TUBB8: variants seen among roughly 807,000 people sequenced by gnomAD.
TUBB8 encodes the protein tubulin beta-8 chain.
Under a neutral mutation model 33.7 loss-of-function variants are expected in TUBB8, and 25 were observed. The observed-to-expected ratio is 0.74, with a 90% CI of 0.54 to 1.04. The LOEUF (loss-of-function observed/expected upper bound fraction) is 1.04, where lower values mean the gene tolerates loss of function less well. TUBB8 is among the 50% of genes least tolerant of loss of function. TUBB8 has a pLI of 0.00. For missense variants in TUBB8, 279 were observed against 608.0 expected (o/e 0.46, Z 5.69); for synonymous variants, 245 against 240.1 (o/e 1.02, Z -0.19).
chr10:57,838 C>T (rs1834552170), intron 1 of TUBB8, among the ~76,000 whole-genome samples: 1 of 151,690 alleles, frequency 6.6e-6, no homozygotes, highest in South Asian at 2.1e-4. Flanking sequence ...ATACAAATAT[C>T]TCTAACAAGT....
intron 1 of TUBB8, among the ~76,000 whole-genome samples, chr10:58,238 C>G (rs11525299): frequency 6.6e-6 from 1 of 152,216 alleles, no homozygotes; most frequent in South Asian, 2.1e-4. Context: ...AGATCACTAT[C>G]AGCATTTTGG....
chr10:71,843 A>G (rs1287765891), intron 1 of TUBB8, among the ~76,000 whole-genome samples: 10,456 of 110,498 alleles, frequency 0.095, no homozygotes, highest in African/African-American at 0.21. Flanking sequence ...CCAGGAGGTC[A>G]AGGCTGCAGT....
rs1554738412 is a variant in TUBB8 at position 47,835 on chromosome 10, G to T, written c.557C>A (p.Thr186Asn). ...TTCTATGAGCTGGTGGACTGAGAGG[G>T]TGGCGTTGTAGGGCTCCACCACGGT... ...SDTVVEPYNA[T>N]LSVHQLIENA... Residue 186 changes from threonine (T) to asparagine (N), a missense_variant, in exon 4 of 4, where the codon ACC (threonine) becomes AAC (asparagine). Physicochemically the swap from Thr to Asn is moderately conservative, Grantham distance 65. Transcript: ENST00000568584. The T allele has an allele frequency of 5.6e-6, 9 of 1,614,224 alleles. No individual in the cohort carries two copies. Among genetic ancestry groups the T allele is most frequent in the Non-Finnish European group, 7.6e-6 (9 of 1,180,034 alleles).
intron 3 of TUBB8, 149 bp downstream of exon 3, chr10:48,466 G>A: frequency 7.8e-6 from 6 of 771,486 alleles, no homozygotes; most frequent in South Asian, 1.5e-5. Flanking sequence ...GCCCATTTAG[G>A]AGAGGCAGAT....
At chr10:64,392 C>T (rs189910807) in intron 1 of TUBB8, among the ~76,000 whole-genome samples, 284 of 152,000 alleles carry the variant, frequency 1.9e-3, no homozygotes, top group Non-Finnish European at 3.2e-3. Flanking sequence ...TAACCATGAC[C>T]CCTAACCACT....
intron 1 of TUBB8, among the ~76,000 whole-genome samples, chr10:72,343 G>C (rs1194050485): frequency 6.6e-6 from 1 of 151,674 alleles, no homozygotes; most frequent in African/African-American, 2.4e-5. Context: ...TGGATCACTT[G>C]AGGTCAGGAG....
At chr10:49,904 C>G (rs117205301), upstream of TUBB8, 2 of 182,354 alleles carry the variant, frequency 1.1e-5, no homozygotes, top group Admixed American at 1.2e-4. Flanking sequence ...TTTTGGGATA[C>G]GCCTGCTGTG....
intron 1 of TUBB8, among the ~76,000 whole-genome samples, chr10:61,087 A>T (rs1302198381): frequency 1.5e-5 from 1 of 66,582 alleles, no homozygotes; most frequent in African/African-American, 6.1e-5. Flanking sequence ...GGGTGGGGGG[A>T]GGGGGGAGGG....
intron 3 of TUBB8, 54 bp from the exon 4 acceptor site, chr10:48,168 TCAC>T: frequency 9.0e-7 from 1 of 1,113,684 alleles, no homozygotes; most frequent in Admixed American, 1.9e-5. Flanking sequence ...TCATCAGTGG[TCAC>T]CACCATAATG....
chr10:61,787 G>C (rs1834605280), intron 1 of TUBB8, among the ~76,000 whole-genome samples: 1 of 152,238 alleles, frequency 6.6e-6, no homozygotes, highest in African/African-American at 2.4e-5. Flanking sequence ...AGTGTTGGGT[G>C]CATATATATT....
intron 1 of TUBB8, among the ~76,000 whole-genome samples, chr10:71,196 T>C (rs1834731155): frequency 6.6e-6 from 1 of 152,020 alleles, no homozygotes; most frequent in African/African-American, 2.4e-5. Flanking sequence ...ACACTTGTAG[T>C]CCCAGCTACT....
In TUBB8 at chr10:49,276, A is replaced by G. The variant is rs374587676; in HGVS notation, c.-38T>C. The G allele has an allele frequency of 1.4e-4, 222 of 1,567,454 alleles. 1 individual carries two copies. The highest frequency in any genetic ancestry group is 1.4e-3 in the African/African-American group (101 of 73,630). ...ATTAGGACGGCAGGAGAAACGTGAGAAGGAGGAGCAGACGCGCAGCGACCC... is the reference window on the plus strand; with the variant it reads ...ATTAGGACGGCAGGAGAAACGTGAGGAGGAGGAGCAGACGCGCAGCGACCC... On this transcript the variant is annotated 5_prime_UTR_variant, in exon 1 of 4. Coordinates refer to ENST00000568584, the MANE Select transcript of TUBB8 (RefSeq NM_177987.3).
intron 1 of TUBB8, among the ~76,000 whole-genome samples, chr10:60,837 C>G (rs1280045902): frequency 2.6e-5 from 4 of 151,786 alleles, no homozygotes; most frequent in Admixed American, 2.6e-4. Flanking sequence ...AAATGTCCAA[C>G]AATGATAGAC....
upstream of TUBB8, among the ~76,000 whole-genome samples, chr10:74,625 C>CAAA (rs35723619): frequency 1.4e-3 from 129 of 89,528 alleles, 1 homozygote; most frequent in African/African-American, 3.4e-3. Context: ...GACTCAGTAT[C>CAAA]AAAAAAAAAA....
At chr10:56,948 T>G (rs1355411027) in intron 1 of TUBB8, among the ~76,000 whole-genome samples, 1 of 151,842 alleles carries the variant, frequency 6.6e-6, no homozygotes. Flanking sequence ...GCCTGTAAAA[T>G]AAAAACCAAA....
chr10:66,904 CAG>C, intron 1 of TUBB8, among the ~76,000 whole-genome samples: 1 of 136,732 alleles, frequency 7.3e-6, no homozygotes, highest in South Asian at 2.3e-4. Context: ...GCCCAGGAGA[CAG>C]AGGTTGCAGT....
At chr10:74,353 T>C (rs1554742826), upstream of TUBB8, among the ~76,000 whole-genome samples, 1 of 151,458 alleles carries the variant, frequency 6.6e-6, no homozygotes. Context: ...TCGAAGAAGA[T>C]GACCAGTTCA....
intron 1 of TUBB8, among the ~76,000 whole-genome samples, chr10:58,588 C>A (rs1390255567): frequency 1.3e-5 from 2 of 152,202 alleles, no homozygotes; most frequent in Non-Finnish European, 2.9e-5. Flanking sequence ...GAAGCAGAAT[C>A]TTGCACATCA....
rs782556398 is a variant in TUBB8 at position 48,949 on chromosome 10, G to A, written c.58-37C>T. ...GGGAGGAGACAGACAGGCCGGGGCT[G>A]AGTCAGGGAGGCGCCCCAGCCGCTC... On this transcript the variant is annotated intron_variant, in intron 1 of 3. Coordinates refer to ENST00000568584, the MANE Select transcript of TUBB8 (RefSeq NM_177987.3). 134 of 1,405,254 alleles carry A rather than the reference G, an allele frequency of 9.5e-5. No individual in the cohort carries two copies. The South Asian group carries it at 1.6e-3, about 17-fold the overall frequency. The allele number at this position is 1,405,254 out of a possible 1,614,324, so 87.0% of individuals were successfully genotyped here.
Sources: allele counts gnomAD v4.1 joint callset (sites outside exome capture counted in the v4.1 genomes callset), GRCh38; gene constraint gnomAD v4.1.1; transcripts MANE v1.5; gene names NCBI Gene and HGNC (gene_info 2026-07-23, HGNC 2026-07-21).